SDC2: variants seen among roughly 807,000 people sequenced by gnomAD.
SDC2 encodes syndecan 2.
A neutral mutation model predicts 22.2 loss-of-function variants in SDC2; 13 were observed. The ratio of observed to expected loss-of-function variants is 0.59; its 90% CI spans 0.38 to 0.93. The LOEUF (loss-of-function observed/expected upper bound fraction) is 0.93, where lower values mean the gene tolerates loss of function less well. Among genes scored for constraint, SDC2 ranks in the 40% least tolerant of loss-of-function variants. SDC2 has a pLI of 0.00. For synonymous variants in SDC2, 94 were observed against 92.8 expected (o/e 1.01, Z -0.07); for missense variants, 235 against 246.8 (o/e 0.95, Z 0.32).
At chr8:96,528,416 G>T (rs114133268) in intron 1 of SDC2, among the ~76,000 whole-genome samples, 1,771 of 152,188 alleles carry the variant, frequency 0.012, 30 homozygotes, top group African/African-American at 0.041. Flanking sequence ...GGTATTCATT[G>T]TCCTCTCATA....
At chr8:96,598,401 C>T (rs1331047703) in intron 2 of SDC2, among the ~76,000 whole-genome samples, 1 of 152,122 alleles carries the variant, frequency 6.6e-6, no homozygotes, top group Non-Finnish European at 1.5e-5. Context: ...GTAGGTGGAT[C>T]ACTCGAGGTC....
At chr8:96,505,777 G>A (rs775942292) in intron 1 of SDC2, among the ~76,000 whole-genome samples, 1 of 152,112 alleles carries the variant, frequency 6.6e-6, no homozygotes, top group African/African-American at 2.4e-5. Context: ...TTTTGTACTC[G>A]ATAAATCAGT....
chr8:96,608,157 C>T (rs1347604), intron 3 of SDC2, among the ~76,000 whole-genome samples, 178 bp from the exon 4 acceptor site: 33,469 of 152,140 alleles, frequency 0.22, 3,788 homozygotes, highest in South Asian at 0.37. Flanking sequence ...CCATGAACTA[C>T]ATGGGTCCAT....
intron 1 of SDC2, among the ~76,000 whole-genome samples, chr8:96,568,958 T>A (rs1221613648): frequency 6.6e-6 from 1 of 152,136 alleles, no homozygotes; most frequent in Non-Finnish European, 1.5e-5. Context: ...GCTGCTTGGA[T>A]AAGAATGGTA....
intron 1 of SDC2, among the ~76,000 whole-genome samples, chr8:96,589,393 T>C (rs1034282007): frequency 1.3e-5 from 2 of 148,590 alleles, no homozygotes; most frequent in African/African-American, 5.0e-5. Context: ...TTGTTTTGTT[T>C]GTTTGTTTGT....
intron 1 of SDC2, among the ~76,000 whole-genome samples, chr8:96,535,350 G>A (rs1813738089): frequency 6.6e-6 from 1 of 152,154 alleles, no homozygotes; most frequent in African/African-American, 2.4e-5. Flanking sequence ...CACTATTTGG[G>A]ACATACTTAA....
chr8:96,541,085 A>G (rs1350764714), intron 1 of SDC2, among the ~76,000 whole-genome samples: 1 of 152,154 alleles, frequency 6.6e-6, no homozygotes, highest in Non-Finnish European at 1.5e-5. Context: ...AAACAAAAAT[A>G]TTTTTTATGG....
intron 3 of SDC2, among the ~76,000 whole-genome samples, chr8:96,606,915 G>A (rs532550252): frequency 1.3e-5 from 2 of 152,166 alleles, no homozygotes; most frequent in Non-Finnish European, 2.9e-5. Context: ...CCGCTTCTGG[G>A]GCCACGGACC....
chr8:96,588,246 A>C (rs1204638835), intron 1 of SDC2, among the ~76,000 whole-genome samples: 1 of 152,184 alleles, frequency 6.6e-6, no homozygotes, highest in Non-Finnish European at 1.5e-5. Flanking sequence ...TTGTGAAATA[A>C]ATCAGTGATC....
chr8:96,529,261 A>G (rs373545640), intron 1 of SDC2: 2 of 152,218 alleles, frequency 1.3e-5, no homozygotes, highest in Non-Finnish European at 2.9e-5. Context: ...TTCCCAGTCA[A>G]TATTCAATAG....
intron 2 of SDC2, among the ~76,000 whole-genome samples, chr8:96,594,113 G>A (rs1814832138): frequency 1.3e-5 from 2 of 152,134 alleles, no homozygotes; most frequent in Admixed American, 1.3e-4. Context: ...TGATTATGTA[G>A]TGACATGATC....
At chr8:96,570,905 G>C (rs191107694) in intron 1 of SDC2, among the ~76,000 whole-genome samples, 2 of 152,094 alleles carry the variant, frequency 1.3e-5, no homozygotes, top group African/African-American at 4.8e-5. Context: ...AGTGGTTACC[G>C]GGGGAAGGGA....
At chr8:96,562,435 G>A (rs1338313430) in intron 1 of SDC2, among the ~76,000 whole-genome samples, 1 of 152,158 alleles carries the variant, frequency 6.6e-6, no homozygotes, top group African/African-American at 2.4e-5. Flanking sequence ...AGTCAGCCTG[G>A]GAAGTTAGGA....
chr8:96,599,324 T>C (rs2130646894), intron 2 of SDC2, among the ~76,000 whole-genome samples: 1 of 152,286 alleles, frequency 6.6e-6, no homozygotes, highest in South Asian at 2.1e-4. Context: ...ATCCCACTTC[T>C]AGGTTGATGA....
At chr8:96,573,288 C>G (rs1814427685) in intron 1 of SDC2, among the ~76,000 whole-genome samples, 1 of 3,404 alleles carries the variant, frequency 2.9e-4, no homozygotes, top group African/African-American at 7.8e-4. Context: ...TCTTCGCAGA[C>G]CTCCCAACAA....
Position 96,508,152 on chromosome 8 carries a change from C to T in SDC2, c.60+13821C>T, listed in dbSNP as rs534088324. On this transcript the variant is annotated intron_variant, in intron 1 of 4. Coordinates refer to ENST00000302190, the MANE Select transcript of SDC2 (RefSeq NM_002998.4). Reference sequence around the variant, plus strand: ...TCTACTAAAAATACAAAAAATTAGCCGGGCATGGGGGCGGGCGCCTGTGGT... The same window carrying T: ...TCTACTAAAAATACAAAAAATTAGCTGGGCATGGGGGCGGGCGCCTGTGGT... Among the ~76,000 whole-genome samples, 129 of 152,062 alleles carry T rather than the reference C, an allele frequency of 8.5e-4. 2 individuals are homozygous for T. The highest frequency in any genetic ancestry group is 2.5e-3 in the African/African-American group (103 of 41,478).
At chr8:96,545,512 A>G (rs1269685050) in intron 1 of SDC2, among the ~76,000 whole-genome samples, 2 of 152,204 alleles carry the variant, frequency 1.3e-5, no homozygotes, top group Non-Finnish European at 2.9e-5. Context: ...TGGAGAGGAG[A>G]TGATTTCCTT....
At chr8:96,582,688 G>A (rs1814608784) in intron 1 of SDC2, among the ~76,000 whole-genome samples, 1 of 152,186 alleles carries the variant, frequency 6.6e-6, no homozygotes, top group South Asian at 2.1e-4. Flanking sequence ...TAATAGATTG[G>A]ACGCAGAAAA....
At chr8:96,511,518 A>G (rs894429910) in intron 1 of SDC2, among the ~76,000 whole-genome samples, 1 of 152,198 alleles carries the variant, frequency 6.6e-6, no homozygotes, top group Non-Finnish European at 1.5e-5. Context: ...GCCAGCCCTT[A>G]GAACGCCCTT....
Sources: gnomAD v4.1 joint callset for allele counts (sites outside exome capture counted in the v4.1 genomes callset) on GRCh38, gnomAD v4.1.1 for gene constraint, MANE v1.5 for transcripts, NCBI Gene and HGNC (gene_info 2026-07-23, HGNC 2026-07-21) for gene names.